MGST1: variants seen among roughly 807,000 people sequenced by gnomAD.
The protein encoded by MGST1 is microsomal glutathione S-transferase 1.
In MGST1, 5 loss-of-function variants were observed where a neutral mutation model predicts 8.9. The observed-to-expected ratio is 0.56, with a 90% confidence interval of 0.29 to 1.19. MGST1 has a LOEUF of 1.19. Among genes scored for constraint, MGST1 ranks in the 50% most tolerant of loss-of-function variants. The pLI is 0.08. For missense variants in MGST1, 182 were observed against 187.4 expected, an observed-to-expected ratio of 0.97 and a Z score of 0.17; for synonymous variants, 54 against 67.8, an observed-to-expected ratio of 0.80 and a Z score of 1.00.
intron 4 of MGST1, among the ~76,000 whole-genome samples, chr12:16,541,662 T>C (rs1472243387): frequency 6.6e-6 from 1 of 152,166 alleles, no homozygotes; most frequent in African/African-American, 2.4e-5. Flanking sequence ...CCAGAAACTA[T>C]TCTCAGGTCT....
intron 4 of MGST1, among the ~76,000 whole-genome samples, chr12:16,508,301 T>A (rs897424174): frequency 6.6e-6 from 1 of 152,196 alleles, no homozygotes; most frequent in Non-Finnish European, 1.5e-5. Context: ...AAAGAACTCC[T>A]CTTTATAAAG....
rs142722771 is a variant in MGST1 at position 16,388,141 on chromosome 12, A to T, written n.778+4537A>T. 3.6e-3 allele frequency among the ~76,000 whole-genome samples: 543 copies of T among 151,984 alleles called. 3 individuals carry two copies. The highest frequency in any genetic ancestry group is 0.012 in the African/African-American group (504 of 41,516). On this transcript the variant is annotated intron_variant and non_coding_transcript_variant, in intron 1 of 1. Coordinates refer to the MGST1 transcript ENST00000359720. The stretch of plus-strand genomic sequence containing the variant: ...TGCAAAAGTAATTGCGGTTTTTGCC[A>T]TAAAAGTGATGACAAAAACTGCAAT...
At chr12:16,489,696 G>C (rs1466244752) in intron 4 of MGST1, among the ~76,000 whole-genome samples, 3 of 152,168 alleles carry the variant, frequency 2.0e-5, no homozygotes, top group African/African-American at 7.2e-5. Flanking sequence ...CATATAGTTA[G>C]TAGAGGTAGA....
intron 4 of MGST1, among the ~76,000 whole-genome samples, chr12:16,558,591 A>T (rs1942276545): frequency 6.6e-6 from 1 of 152,098 alleles, no homozygotes; most frequent in Non-Finnish European, 1.5e-5. Flanking sequence ...ATTTTCGTCT[A>T]AATGTTACCC....
chr12:16,534,116 C>T (rs187125985), intron 4 of MGST1, among the ~76,000 whole-genome samples: 49 of 152,172 alleles, frequency 3.2e-4, no homozygotes, highest in Middle Eastern at 3.4e-3. Context: ...GGGATATCAA[C>T]TCAAATTTAG....
intron 4 of MGST1, among the ~76,000 whole-genome samples, chr12:16,481,464 A>C (rs1012304769): frequency 2.0e-5 from 3 of 152,204 alleles, no homozygotes; most frequent in Non-Finnish European, 2.9e-5. Flanking sequence ...AAAATTGAAG[A>C]TATGTCTAGG....
At chr12:16,371,104 C>T (rs574042862) in intron 3 of MGST1, among the ~76,000 whole-genome samples, 5 of 152,086 alleles carry the variant, frequency 3.3e-5, no homozygotes, top group Non-Finnish European at 7.4e-5. Context: ...AGACATTGAA[C>T]ATACTATCAC....
intron 1 of MGST1, among the ~76,000 whole-genome samples, chr12:16,414,209 G>T (rs987539029): frequency 1.3e-5 from 2 of 151,646 alleles, no homozygotes; most frequent in East Asian, 3.9e-4. Context: ...AGCTTTTATA[G>T]TTTTATGTAT....
chr12:16,589,513 T>A lies in MGST1; in HGVS notation n.483-15T>A, dbSNP rs1245196533. Reference sequence around the variant, plus strand: ...AATTAATTTAAAATCTCCTGAAAAATTATGTCTTTTTTAGGTTGCTGCAGA... The same window carrying A: ...AATTAATTTAAAATCTCCTGAAAAAATATGTCTTTTTTAGGTTGCTGCAGA... On this transcript the variant is annotated splice_polypyrimidine_tract_variant and intron_variant and non_coding_transcript_variant, in intron 4 of 4. Coordinates refer to the MGST1 transcript ENST00000538857. The surrounding 1 kb of genome is among the most constrained non-coding windows in gnomAD (Gnocchi z 4.2). The A allele has an allele frequency of 6.6e-6, 1 of 152,070 alleles. No homozygotes were observed. The highest frequency in any genetic ancestry group is 1.5e-5 in the Non-Finnish European group (1 of 67,994). 9.4% of individuals were successfully genotyped at this position (152,070 alleles called of 1,614,324 possible). A position where few individuals can be genotyped will look rare whatever the true frequency, so the allele number is the denominator to read the frequency against.
chr12:16,512,515 A>T (rs1941583375), intron 4 of MGST1, among the ~76,000 whole-genome samples: 1 of 152,250 alleles, frequency 6.6e-6, no homozygotes, highest in Admixed American at 6.5e-5. Context: ...CAATGTAAAA[A>T]CAACTTCAAA....
At chr12:16,539,640 C>T (rs750084263) in intron 4 of MGST1, among the ~76,000 whole-genome samples, 5 of 152,174 alleles carry the variant, frequency 3.3e-5, no homozygotes, top group Admixed American at 6.5e-5. Flanking sequence ...TCTGCCGACT[C>T]TACCCCTGCT....
Position 16,544,473 on chromosome 12 carries a change from T to C in MGST1, n.483-45055T>C, listed in dbSNP as rs972412884. ...TATAGCATCAATTTGTATTCATCTC[T>C]ATTTTCTAAGTAGATAAGATTAAAT... On this transcript the variant is annotated intron_variant and non_coding_transcript_variant, in intron 4 of 4. Coordinates refer to the MGST1 transcript ENST00000538857. The surrounding 1 kb of genome is among the most constrained non-coding windows in gnomAD (Gnocchi z 4.8). Among the ~76,000 whole-genome samples the C allele has an allele frequency of 6.6e-6, 1 of 152,098 alleles. No homozygotes were observed. Among genetic ancestry groups the C allele is most frequent in the African/African-American group, 2.4e-5 (1 of 41,448 alleles).
rs1205313921 is a variant in MGST1, at chr12:16,364,251, G to T, written c.*210G>T. 2.5e-6 allele frequency: 3 copies of T among 1,217,254 alleles called. No homozygotes were observed. The highest frequency in any genetic ancestry group is 3.1e-6 in the Non-Finnish European group (3 of 967,586). 75.4% of individuals were successfully genotyped at this position (1,217,254 alleles called of 1,614,324 possible). A position where few individuals can be genotyped will look rare whatever the true frequency, so the allele number is the denominator to read the frequency against. On this transcript the variant is annotated 3_prime_UTR_variant, in exon 4 of 4. Transcript: ENST00000396210. The surrounding 1 kb of genome is among the most constrained non-coding windows in gnomAD (Gnocchi z 5.7). ...TAACATAGTAATTCTTAAGTCTTTTGTCTGATTTTTAAAGTACTTTCTTAT... is the reference window on the plus strand; with the variant it reads ...TAACATAGTAATTCTTAAGTCTTTTTTCTGATTTTTAAAGTACTTTCTTAT...
intron 1 of MGST1, among the ~76,000 whole-genome samples, chr12:16,395,494 T>G (rs769439533): frequency 1.3e-5 from 2 of 152,022 alleles, no homozygotes; most frequent in Non-Finnish European, 2.9e-5. Flanking sequence ...TTAGTGGTGA[T>G]TTGTGAGATT....
intron 4 of MGST1, among the ~76,000 whole-genome samples, chr12:16,552,029 ATAAAC>A (rs1487389742): frequency 6.6e-6 from 1 of 152,058 alleles, no homozygotes; most frequent in African/African-American, 2.4e-5. Context: ...TATTGATGTG[ATAAAC>A]TAAACTAGTT....
intron 1 of MGST1, among the ~76,000 whole-genome samples, chr12:16,396,949 G>A (rs765378352): frequency 6.6e-6 from 1 of 151,336 alleles, no homozygotes; most frequent in Non-Finnish European, 1.5e-5. Context: ...AAAATTAATA[G>A]GATTAATTAA....
chr12:16,583,854 C>G (rs1184398754), intron 4 of MGST1, among the ~76,000 whole-genome samples: 2 of 151,950 alleles, frequency 1.3e-5, no homozygotes, highest in African/African-American at 4.8e-5. Flanking sequence ...TCATAGTGGG[C>G]AGGAAAGATA....
intron 2 of MGST1, 165 bp from the exon 3 acceptor site, chr12:16,357,439 TA>T (rs1258595998): frequency 5.4e-6 from 3 of 558,594 alleles, no homozygotes; most frequent in East Asian, 3.1e-5. Flanking sequence ...AAATTTTTTT[TA>T]AAAAAATTTG....
chr12:16,517,933 T>A lies in MGST1; in HGVS notation n.483-71595T>A, dbSNP rs1266008630. On this transcript the variant is annotated intron_variant and non_coding_transcript_variant, in intron 4 of 4. Transcript: ENST00000538857. The surrounding 1 kb of genome is among the most constrained non-coding windows in gnomAD (Gnocchi z 4.2). Reference sequence around the variant, plus strand: ...ATTTTCATTTGATGTGATAAAACAATCAAATGTTGTTCTTCACACCCAAGG... The same window carrying A: ...ATTTTCATTTGATGTGATAAAACAAACAAATGTTGTTCTTCACACCCAAGG... Among the ~76,000 whole-genome samples the A allele has an allele frequency of 6.6e-6, 1 of 152,162 alleles. No individual in the cohort carries two copies. Among genetic ancestry groups the A allele is most frequent in the Non-Finnish European group, 1.5e-5 (1 of 68,024 alleles).
Sources: allele counts gnomAD v4.1 joint callset (sites outside exome capture counted in the v4.1 genomes callset), GRCh38; gene constraint gnomAD v4.1.1; non-coding constraint Gnocchi (gnomAD v3.1); transcripts MANE v1.5; gene names NCBI Gene and HGNC (gene_info 2026-07-23, HGNC 2026-07-21).